SLC17A2: variants seen among roughly 807,000 people sequenced by gnomAD.
The protein encoded by SLC17A2 is solute carrier family 17 member 2, also known as sodium-dependent phosphate transport protein 3.
In SLC17A2, 38 loss-of-function variants were observed where a neutral mutation model predicts 52.1. The ratio of observed to expected loss-of-function variants is 0.73; its 90% CI spans 0.56 to 0.96. The LOEUF is 0.96. Among genes scored for constraint, SLC17A2 ranks in the 40% least tolerant of loss-of-function variants. The pLI is 0.00. For missense variants in SLC17A2, 508 were observed against 583.9 expected (o/e 0.87, Z 1.34); for synonymous variants, 226 against 211.9 (o/e 1.07, Z -0.58).
Position 25,921,058 on chromosome 6 carries a change from T to C in SLC17A2, c.510A>G (p.Ala170=). 1.2e-6 allele frequency: 2 copies of C among 1,614,238 alleles called. No homozygotes were observed. The highest frequency in any genetic ancestry group is 8.5e-7 in the Non-Finnish European group (1 of 1,180,040). Residue 170 remains alanine (A), a synonymous_variant, in exon 5 of 12, where the codon GCA becomes GCG. Transcript: ENST00000377850. ...MAWTGQFTIW[A]KWAPPLERSK... ...TTCGTTCAAGTGGAGGAGCCCACTT[T>C]GCCCAAATAGTAAACTGACCTGTCC...
intron 2 of SLC17A2, 82 bp from the exon 3 acceptor site, chr6:25,923,988 A>G (rs1766660525): frequency 9.0e-7 from 1 of 1,113,420 alleles, no homozygotes; most frequent in South Asian, 1.3e-5. Flanking sequence ...TCGATCTGAT[A>G]GAACTTTGGA....
chr6:25,925,486 C>G (rs908429703), intron 2 of SLC17A2, among the ~76,000 whole-genome samples: 2 of 148,482 alleles, frequency 1.3e-5, no homozygotes, highest in African/African-American at 5.0e-5. Context: ...GCACTCCAGC[C>G]TGTGAGACAG....
At chr6:25,925,083 CA>C (rs1410509130) in intron 2 of SLC17A2, among the ~76,000 whole-genome samples, 4 of 151,932 alleles carry the variant, frequency 2.6e-5, no homozygotes, top group African/African-American at 7.3e-5. Context: ...TTTTAATGGC[CA>C]AAAAAGCTCA....
chr6:25,921,558 C>A, intron 3 of SLC17A2, 146 bp from the exon 4 acceptor site: 4 of 596,502 alleles, frequency 6.7e-6, no homozygotes, highest in Middle Eastern at 4.5e-4. Context: ...TCCCAAATAA[C>A]CAATTATACC....
chr6:25,922,380 T>G (rs540778673), intron 3 of SLC17A2, among the ~76,000 whole-genome samples: 1 of 152,348 alleles, frequency 6.6e-6, no homozygotes, highest in East Asian at 1.9e-4. Context: ...AAAGTGAACT[T>G]GTAGCATTTG....
At position 25,921,162 on chromosome 6, in the gene SLC17A2, A is replaced by G; in HGVS notation, c.474+17T>C. ...AGAAATCTGGATCCCACCAAGAATG[A>G]GAAAGTATCTGGATACCTGGGCCAT... On this transcript the variant is annotated intron_variant, in intron 4 of 11. Transcript: ENST00000377850. 6.2e-7 allele frequency: 1 copy of G among 1,613,856 alleles called. No individual in the cohort carries two copies. The highest frequency in any genetic ancestry group is 8.5e-7 in the Non-Finnish European group (1 of 1,179,766).
chr6:25,915,177 ATGG>A (rs1766260784), intron 10 of SLC17A2, among the ~76,000 whole-genome samples: 14 of 108,070 alleles, frequency 1.3e-4, no homozygotes, highest in South Asian at 5.7e-4. Flanking sequence ...ATATATATAT[ATGG>A]TAGCTAATAT....
intron 3 of SLC17A2, among the ~76,000 whole-genome samples, 174 bp from the exon 4 acceptor site, chr6:25,921,586 A>G (rs564540745): frequency 5.7e-4 from 74 of 129,440 alleles, no homozygotes; most frequent in Middle Eastern, 3.8e-3. Context: ...TGCTTGTCTT[A>G]GTAGAAGGAG....
At position 25,921,101 on chromosome 6, in the gene SLC17A2, G is replaced by A. The variant is rs201590251; in HGVS notation, c.475-8C>T. ...ACCTGTCCATGCCATTCCCTGAAAT[G>A]AAAATCATTAAGACCTTTGATATTT... On this transcript the variant is annotated splice_region_variant and splice_polypyrimidine_tract_variant and intron_variant, in intron 4 of 11. Coordinates refer to ENST00000377850, the MANE Select transcript of SLC17A2 (RefSeq NM_001286123.3). 59 of 1,613,936 alleles carry A rather than the reference G, an allele frequency of 3.7e-5. No individual in the cohort carries two copies. The highest frequency in any genetic ancestry group is 5.3e-5 in the African/African-American group (4 of 74,908).
At chr6:25,927,026 A>G (rs1049134260) in intron 1 of SLC17A2, among the ~76,000 whole-genome samples, 12 of 152,232 alleles carry the variant, frequency 7.9e-5, no homozygotes, top group Non-Finnish European at 1.5e-4. Flanking sequence ...AGATCGTGCC[A>G]CTGCACTACA....
rs1223962646 is a variant in SLC17A2, at chr6:25,921,025, G to A, written c.543C>T (p.Leu181=). 6.2e-7 allele frequency: 1 copy of A among 1,614,186 alleles called. No individual in the cohort carries two copies. The highest frequency in any genetic ancestry group is 2.2e-5 in the East Asian group (1 of 44,888). The change falls in exon 5 of 12, where the codon CTC becomes CTT. Residue 181 remains leucine (L), a synonymous_variant. Coordinates refer to ENST00000377850, the MANE Select transcript of SLC17A2 (RefSeq NM_001286123.3). ...ACTTACCTGATCCTGCAATGGTGGT[G>A]AGCTTGCTTCGTTCAAGTGGAGGAG... ...KWAPPLERSK[L]TTIAGSGSAF...
intron 1 of SLC17A2, among the ~76,000 whole-genome samples, chr6:25,927,782 T>G (rs1389638410): frequency 2.6e-5 from 4 of 152,152 alleles, no homozygotes; most frequent in Admixed American, 1.3e-4. Context: ...GCTAGTAAGA[T>G]CAGGTCAGCA....
intron 8 of SLC17A2, among the ~76,000 whole-genome samples, chr6:25,916,212 C>T (rs912125967): frequency 2.0e-5 from 3 of 152,140 alleles, no homozygotes; most frequent in Non-Finnish European, 2.9e-5. Context: ...TCCTGAATAG[C>T]TGGGATTACA....
intron 11 of SLC17A2, among the ~76,000 whole-genome samples, chr6:25,913,771 C>T (rs1220167688): frequency 1.2e-5 from 1 of 82,066 alleles, no homozygotes; most frequent in African/African-American, 5.8e-5. Context: ...TGTGTCTTCT[C>T]TGTTTTTTTT....
chr6:25,929,157 C>T (rs1279366068), intron 1 of SLC17A2, among the ~76,000 whole-genome samples: 1 of 152,076 alleles, frequency 6.6e-6, no homozygotes, highest in Admixed American at 6.6e-5. Flanking sequence ...AATGTTACAC[C>T]TAGATCAAAG....
intron 3 of SLC17A2, among the ~76,000 whole-genome samples, chr6:25,921,702 A>G (rs896469730): frequency 6.6e-6 from 1 of 152,196 alleles, no homozygotes; most frequent in Non-Finnish European, 1.5e-5. Flanking sequence ...TCATCTGTGA[A>G]AGCACTTCCT....
chr6:25,918,621 G>C, intron 5 of SLC17A2, 48 bp from the exon 6 acceptor site: 1 of 1,301,010 alleles, frequency 7.7e-7, no homozygotes, highest in Non-Finnish European at 1.1e-6. Flanking sequence ...CAAAGGCTGA[G>C]ACTTCGTGGC....
rs1356085776 is a variant in SLC17A2 at position 25,921,091 on chromosome 6, T to C, written c.477A>G (p.Gly159=). 1.9e-6 allele frequency: 3 copies of C among 1,614,104 alleles called. No individual in the cohort carries two copies. The highest frequency in any genetic ancestry group is 2.2e-5 in the East Asian group (1 of 44,872). The stretch of plus-strand genomic sequence containing the variant: ...TAGTAAACTGACCTGTCCATGCCAT[T>C]CCCTGAAATGAAAATCATTAAGACC... The part of the protein sequence containing the change: ...MVRTVQGMAQ[G]MAWTGQFTIW... The change falls in exon 5 of 12, where the codon GGA becomes GGG. Residue 159 remains glycine (G), a splice_region_variant and synonymous_variant. Transcript: ENST00000377850.
chr6:25,914,418 A>T, intron 11 of SLC17A2, 162 bp downstream of exon 11: 1 of 606,802 alleles, frequency 1.6e-6, no homozygotes, highest in Non-Finnish European at 3.0e-6. Context: ...AAATAAGCTT[A>T]TATTTTTCTT....
Sources: allele counts gnomAD v4.1 joint callset (sites outside exome capture counted in the v4.1 genomes callset), GRCh38; gene constraint gnomAD v4.1.1; transcripts MANE v1.5; gene names NCBI Gene and HGNC (gene_info 2026-07-23, HGNC 2026-07-21).